Variants in SNX8 observed in about 807,000 individuals in gnomAD.
The protein encoded by SNX8 is sorting nexin 8, also known as sorting nexin-8.
In SNX8, 25 loss-of-function variants were observed where a neutral mutation model predicts 51.6. The ratio of observed to expected loss-of-function variants is 0.48; its 90% CI spans 0.35 to 0.68. The LOEUF (loss-of-function observed/expected upper bound fraction) is 0.68. SNX8 is among the 30% of genes least tolerant of loss of function. The probability of loss-of-function intolerance (pLI) is 0.00; values close to 1 mark genes in which losing one functional copy is unlikely to be tolerated. For missense variants in SNX8, 695 were observed against 624.0 expected (o/e 1.11, Z -1.21); for synonymous variants, 324 against 277.0 (o/e 1.17, Z -1.68).
chr7:2,337,807 T>C (rs1410264252), intron 1 of SNX8, among the ~76,000 whole-genome samples: 1 of 140,560 alleles, frequency 7.1e-6, no homozygotes, highest in Non-Finnish European at 1.5e-5. Flanking sequence ...TTTAGCTAAT[T>C]AGGAATATAA....
At chr7:2,294,555 G>A (rs780184071) in intron 1 of SNX8, among the ~76,000 whole-genome samples, 21 of 152,180 alleles carry the variant, frequency 1.4e-4, no homozygotes, top group Non-Finnish European at 2.8e-4. Context: ...AGGTCACAGA[G>A]CCAGCAAGGT....
At chr7:2,351,703 C>A (rs1209970646) in intron 1 of SNX8, among the ~76,000 whole-genome samples, 1 of 151,030 alleles carries the variant, frequency 6.6e-6, no homozygotes, top group African/African-American at 2.4e-5. Flanking sequence ...TGGTGGCAGG[C>A]GCCTGTAGTC....
intron 1 of SNX8, among the ~76,000 whole-genome samples, chr7:2,329,228 G>A (rs1221984891): frequency 4.0e-5 from 6 of 151,410 alleles, no homozygotes; most frequent in Non-Finnish European, 8.8e-5. Context: ...CCAAGACTGC[G>A]CCACTGCACT....
rs756912941 is a variant in SNX8 at position 2,284,955 on chromosome 7, TA to T, written c.95-6651del. On this transcript the variant is annotated intron_variant, in intron 1 of 10. Coordinates refer to ENST00000222990, the MANE Select transcript of SNX8 (RefSeq NM_013321.4). ...GGCTGGGCGGAGTGCCTCACGCCTG[TA>T]AATCCCAGCACTTTTGGAGGCTGAG... Among the ~76,000 whole-genome samples, 242 of 151,822 alleles carry T rather than the reference TA, an allele frequency of 1.6e-3. 2 individuals carry two copies. Among genetic ancestry groups the T allele is most frequent in the Non-Finnish European group, 1.7e-3 (115 of 67,942 alleles).
chr7:2,337,010 A>G (rs1778843652), intron 1 of SNX8: 1 of 149,482 alleles, frequency 6.7e-6, no homozygotes, highest in Admixed American at 6.7e-5. Context: ...CCTTGTCTCA[A>G]AAAAAAAAAA....
intron 1 of SNX8, among the ~76,000 whole-genome samples, chr7:2,302,264 G>A (rs1025795945): frequency 1.8e-4 from 27 of 152,222 alleles, no homozygotes; most frequent in African/African-American, 6.5e-4. Context: ...CGCCACGCCT[G>A]ACTGGTTTTC....
chr7:2,263,437 C>A, intron 6 of SNX8, 75 bp from the exon 7 acceptor site: 2 of 1,436,396 alleles, frequency 1.4e-6, no homozygotes, highest in Admixed American at 2.2e-5. Context: ...TGGCATCCCC[C>A]CCGACAGATG....
At chr7:2,275,259 G>C (rs200970859) in intron 2 of SNX8, 30 bp from the exon 3 acceptor site, 1 of 1,487,192 alleles carries the variant, frequency 6.7e-7, no homozygotes, top group Non-Finnish European at 9.4e-7. Context: ...GCTTAGATCC[G>C]ACGTTGGAAA....
intron 1 of SNX8, among the ~76,000 whole-genome samples, chr7:2,321,941 C>T (rs1778527324): frequency 1.3e-5 from 2 of 150,212 alleles, no homozygotes; most frequent in Non-Finnish European, 3.0e-5. Flanking sequence ...CCAAACTGGT[C>T]TCGAACTCCT....
intron 1 of SNX8, among the ~76,000 whole-genome samples, chr7:2,330,497 C>A (rs888664396): frequency 6.6e-6 from 1 of 152,032 alleles, no homozygotes; most frequent in Non-Finnish European, 1.5e-5. Context: ...GTGCTGTGAG[C>A]CACTCCAGCA....
chr7:2,332,814 AAG>A (rs1188977830), intron 1 of SNX8, among the ~76,000 whole-genome samples: 4 of 150,358 alleles, frequency 2.7e-5, no homozygotes, highest in East Asian at 3.9e-4. Flanking sequence ...AAAAGAAAGA[AAG>A]AGAAAGAAAG....
chr7:2,348,338 C>CTTTTTTTTTTTT (rs59761780), intron 1 of SNX8, among the ~76,000 whole-genome samples: 1 of 93,672 alleles, frequency 1.1e-5, no homozygotes, highest in Non-Finnish European at 2.2e-5. Context: ...TTCTTTCTTT[C>CTTTTTTTTTTTT]TTTTTTTTTT....
chr7:2,286,007 CTTTT>C (rs138507630), intron 1 of SNX8, among the ~76,000 whole-genome samples: 1 of 143,550 alleles, frequency 7.0e-6, no homozygotes, highest in African/African-American at 2.5e-5. Context: ...TAAACAGTAA[CTTTT>C]TTTTTTTTTT....
intron 1 of SNX8, among the ~76,000 whole-genome samples, chr7:2,344,563 G>C (rs1202374488): frequency 2.1e-5 from 3 of 145,198 alleles, no homozygotes; most frequent in African/African-American, 7.7e-5. Flanking sequence ...AGTGGGCCGA[G>C]ATCGCGCCAC....
intron 1 of SNX8, among the ~76,000 whole-genome samples, chr7:2,298,365 T>C (rs1168880117): frequency 6.6e-6 from 1 of 152,036 alleles, no homozygotes; most frequent in Non-Finnish European, 1.5e-5. Context: ...ATTTTTGGTT[T>C]GGGTTGTTTT....
chr7:2,275,078 C>T (rs377133350), intron 3 of SNX8, 34 bp downstream of exon 3: 15 of 1,462,586 alleles, frequency 1.0e-5, no homozygotes, highest in Non-Finnish European at 1.4e-5. Flanking sequence ...GGCTCGCTCC[C>T]TCCGCCCCCG....
chr7:2,326,533 G>A (rs927109336), intron 1 of SNX8, among the ~76,000 whole-genome samples: 10 of 151,936 alleles, frequency 6.6e-5, no homozygotes, highest in Admixed American at 1.3e-4. Context: ...GGGCGTGGTG[G>A]CGGGAGTCTG....
chr7:2,276,085 T>C (rs1584690258), intron 2 of SNX8, among the ~76,000 whole-genome samples: 1 of 151,730 alleles, frequency 6.6e-6, no homozygotes, highest in South Asian at 2.1e-4. Context: ...CACATCAGGG[T>C]GACCAAACTG....
chr7:2,261,251 G>A (rs567297263), intron 7 of SNX8, among the ~76,000 whole-genome samples: 37 of 152,258 alleles, frequency 2.4e-4, no homozygotes, highest in African/African-American at 8.7e-4. Context: ...CGGCCAACAC[G>A]GTGAAACCCC....
Sources: allele counts gnomAD v4.1 joint callset (sites outside exome capture counted in the v4.1 genomes callset), GRCh38; gene constraint gnomAD v4.1.1; transcripts MANE v1.5; gene names NCBI Gene and HGNC (gene_info 2026-07-23, HGNC 2026-07-21).